The following ZNF69 variants were observed in gnomAD, a reference collection of about 807,000 sequenced individuals.
ZNF69 encodes the protein zinc finger protein 69, also known as ZNF3.
Under a neutral mutation model 50.9 loss-of-function variants are expected in ZNF69, and 47 were observed. That is an observed-to-expected ratio of 0.92 (90% CI 0.73 to 1.18). ZNF69 has a LOEUF of 1.18. Ranked by LOEUF, ZNF69 falls within the 50% of genes most tolerant of loss-of-function variation. The pLI is 0.00. For missense variants in ZNF69, 717 were observed against 675.1 expected (o/e 1.06, Z -0.69); for synonymous variants, 216 against 223.1 (o/e 0.97, Z 0.29).
downstream of ZNF69, among the ~76,000 whole-genome samples, chr19:11,910,881 A>G (rs1354228931): frequency 2.0e-5 from 3 of 152,232 alleles, no homozygotes; most frequent in Non-Finnish European, 4.4e-5. Flanking sequence ...CAGAGTGAAC[A>G]GGCAACCTAC....
the ZNF69 span, among the ~76,000 whole-genome samples, chr19:11,968,011 G>A: frequency 6.6e-6 from 1 of 152,164 alleles, no homozygotes; most frequent in Non-Finnish European, 1.5e-5. Context: ...CGGATGTTCT[G>A]TCGTTGTGGG....
the ZNF69 span, chr19:11,979,454 C>T: frequency 6.2e-7 from 1 of 1,604,906 alleles, no homozygotes; most frequent in Non-Finnish European, 8.5e-7. Flanking sequence ...TGGAGAAAGA[C>T]CTTATAAATG....
At chr19:11,954,844 T>C in the ZNF69 span, among the ~76,000 whole-genome samples, 3 of 152,054 alleles carry the variant, frequency 2.0e-5, no homozygotes, top group East Asian at 3.9e-4. Flanking sequence ...CAAAAAAAAT[T>C]GTTCACTTAT....
At chr19:11,922,074 G>A in the ZNF69 span, among the ~76,000 whole-genome samples, 1 of 151,586 alleles carries the variant, frequency 6.6e-6, no homozygotes, top group African/African-American at 2.4e-5. Flanking sequence ...AAATAGCCAA[G>A]GCCAAAGGAA....
chr19:11,943,013 G>T, the ZNF69 span, among the ~76,000 whole-genome samples: 1 of 152,148 alleles, frequency 6.6e-6, no homozygotes, highest in African/African-American at 2.4e-5. Context: ...TAATACACTT[G>T]TGCTGAAACA....
At chr19:11,923,315 T>C in the ZNF69 span, among the ~76,000 whole-genome samples, 1 of 152,226 alleles carries the variant, frequency 6.6e-6, no homozygotes, top group African/African-American at 2.4e-5. Context: ...AGAGCCTTCC[T>C]CTTCATAAAT....
rs1972327320 is a variant in ZNF69 at position 11,904,817 on chromosome 19, T to G, written c.420T>G (p.Ser140=). Residue 140 remains serine, a synonymous_variant, in exon 4 of 4, where the codon TCT becomes TCG. Transcript: ENST00000429654. The part of the protein sequence containing the change: ...VCGEVGLGNS[S]FNMNIRGDIG... ...GAGAAGTTGGCCTAGGTAACTCATC[T>G]TTTAATATGAACATCAGAGGTGACA... is the stretch of plus-strand genomic sequence containing the variant. 2 of 1,614,006 alleles carry G rather than the reference T, an allele frequency of 1.2e-6. No individual in the cohort carries two copies. Among genetic ancestry groups the G allele is most frequent in the Non-Finnish European group, 1.7e-6 (2 of 1,180,008 alleles).
the ZNF69 span, among the ~76,000 whole-genome samples, chr19:11,964,356 C>T: frequency 1.3e-5 from 2 of 152,188 alleles, no homozygotes; most frequent in South Asian, 2.1e-4. Flanking sequence ...CATGGGGTCG[C>T]TGGAGGCAGA....
chr19:11,951,356 G>A, the ZNF69 span, among the ~76,000 whole-genome samples: 1 of 151,180 alleles, frequency 6.6e-6, no homozygotes, highest in Non-Finnish European at 1.5e-5. Flanking sequence ...AGCCTCCTGA[G>A]TAGCTGGGAC....
rs762682723 is a variant in ZNF69 at position 11,905,170 on chromosome 19, G to C, written c.773G>C (p.Ser258Thr). The change falls in exon 4 of 4, where the codon AGT becomes ACT. Residue 258 changes from serine (S) to threonine (T), a missense_variant. Ser to Thr is a moderately conservative substitution (Grantham distance 58). Transcript: ENST00000429654. ...TGTAAACAATGTGGTAAATCCTTTA[G>C]TTATTCTGCTACCCTTCGAATACAC... Reference protein sequence around the residue: ...YECKQCGKSFSYSATLRIHER... With the variant: ...YECKQCGKSFTYSATLRIHER... The C allele has an allele frequency of 1.9e-6, 3 of 1,613,998 alleles. No homozygotes were observed. The highest frequency in any genetic ancestry group is 1.3e-5 in the African/African-American group (1 of 74,906).
the ZNF69 span, among the ~76,000 whole-genome samples, chr19:11,935,234 T>G: frequency 5.6e-5 from 5 of 89,660 alleles, no homozygotes; most frequent in Admixed American, 3.9e-4. Context: ...AAAGATCTTG[T>G]TTTTTTTTTT....
the ZNF69 span, among the ~76,000 whole-genome samples, chr19:11,935,108 G>A: frequency 2.8e-5 from 4 of 143,480 alleles, no homozygotes; most frequent in Non-Finnish European, 4.5e-5. Flanking sequence ...CCCGGGAGGC[G>A]GAGCTTGCAG....
the ZNF69 span, among the ~76,000 whole-genome samples, chr19:11,921,988 AG>A: frequency 6.6e-6 from 1 of 152,236 alleles, no homozygotes; most frequent in Non-Finnish European, 1.5e-5. Flanking sequence ...AGGGTTAAAA[AG>A]AAAAAAGAAA....
chr19:11,941,116 GGT>G, the ZNF69 span, among the ~76,000 whole-genome samples: 22 of 152,278 alleles, frequency 1.4e-4, no homozygotes, highest in East Asian at 3.9e-3. Context: ...GGTGCTGATT[GGT>G]GTGTTTACAA....
At chr19:11,903,154 G>T (rs113364140) in intron 1 of ZNF69, among the ~76,000 whole-genome samples, 2 of 152,016 alleles carry the variant, frequency 1.3e-5, no homozygotes, top group African/African-American at 4.8e-5. Context: ...ACAACTGCTG[G>T]CCAGGCCTGG....
intron 4 of ZNF69, among the ~76,000 whole-genome samples, chr19:11,912,911 T>A (rs1972478241): frequency 6.6e-6 from 1 of 152,204 alleles, no homozygotes; most frequent in African/African-American, 2.4e-5. Context: ...TAAGAAGCTA[T>A]AATAGTAAGG....
At chr19:11,948,617 T>C in the ZNF69 span, 1 of 1,607,962 alleles carries the variant, frequency 6.2e-7, no homozygotes, top group Non-Finnish European at 8.5e-7. Flanking sequence ...GCTTGTAAAG[T>C]CTGTGGAAAA....
chr19:11,906,231 A>G lies in ZNF69; in HGVS notation c.*133A>G, dbSNP rs1219111963. ...ACCTTCGAATTCAGTAAAGGACACA[A>G]GCACACATAAGAATGCATTCTGGAT... On this transcript the variant is annotated 3_prime_UTR_variant, in exon 4 of 4. Coordinates refer to ENST00000429654, the MANE Select transcript of ZNF69 (RefSeq NM_001364730.1). 1.3e-6 allele frequency: 2 copies of G among 1,517,108 alleles called. No individual in the cohort carries two copies. The highest frequency in any genetic ancestry group is 2.3e-5 in the East Asian group (1 of 44,260). The allele number at this position is 1,517,108 out of a possible 1,614,324, so 94.0% of individuals were successfully genotyped here.
downstream of ZNF69, among the ~76,000 whole-genome samples, chr19:11,919,238 A>G (rs891968318): frequency 4.0e-5 from 6 of 151,896 alleles, no homozygotes; most frequent in Non-Finnish European, 7.4e-5. Context: ...AGATAATTAC[A>G]ATACTTTTCC....
Sources: allele counts gnomAD v4.1 joint callset (sites outside exome capture counted in the v4.1 genomes callset), GRCh38; gene constraint gnomAD v4.1.1; transcripts MANE v1.5; gene names NCBI Gene and HGNC (gene_info 2026-07-23, HGNC 2026-07-21).